Variants in AGMO observed in about 807,000 individuals in gnomAD.
AGMO encodes the protein alkylglycerol monooxygenase.
In AGMO, 75 loss-of-function variants were observed where a neutral mutation model predicts 60.2. The observed-to-expected ratio is 1.25, with a 90% CI of 1.03 to 1.51. AGMO has a LOEUF of 1.51. AGMO is among the 40% of genes most tolerant of loss of function. The pLI is 0.00. For synonymous variants in AGMO, 261 were observed against 177.1 expected, an observed-to-expected ratio of 1.47 and a Z score of -3.76; for missense variants, 763 against 525.5, an observed-to-expected ratio of 1.45 and a Z score of -4.42.
At chr7:15,132,273 A>C in the AGMO span, among the ~76,000 whole-genome samples, 1 of 152,194 alleles carries the variant, frequency 6.6e-6, no homozygotes, top group South Asian at 2.1e-4. Context: ...TTTAAATGAA[A>C]TACTTCAATA....
chr7:15,160,494 C>T, the AGMO span, among the ~76,000 whole-genome samples: 2,362 of 152,114 alleles, frequency 0.016, 58 homozygotes, highest in African/African-American at 0.054. Context: ...TGTCTATATA[C>T]GATTTGTCCA....
intron 12 of AGMO, among the ~76,000 whole-genome samples, chr7:15,238,355 T>C (rs1208737384): frequency 6.6e-6 from 1 of 151,836 alleles, no homozygotes; most frequent in African/African-American, 2.4e-5. Flanking sequence ...AAGTTCCAGG[T>C]GAAAATTATA....
chr7:15,313,500 T>C (rs1249412871), intron 12 of AGMO, among the ~76,000 whole-genome samples: 2 of 152,186 alleles, frequency 1.3e-5, no homozygotes, highest in Admixed American at 6.6e-5. Context: ...GGATGGGCAA[T>C]TTTTACCAGC....
intron 3 of AGMO, among the ~76,000 whole-genome samples, chr7:15,533,107 T>C (rs144613853): frequency 6.6e-6 from 1 of 152,308 alleles, no homozygotes; most frequent in African/African-American, 2.4e-5. Flanking sequence ...TTAAGTACTT[T>C]CTGTTTCAGT....
chr7:15,463,256 T>C (rs554615422), intron 3 of AGMO, among the ~76,000 whole-genome samples: 1 of 152,248 alleles, frequency 6.6e-6, no homozygotes, highest in Non-Finnish European at 1.5e-5. Context: ...GTAGAGGTAA[T>C]GGACATGGAC....
At chr7:15,389,319 T>C (rs1324829696) in intron 8 of AGMO, among the ~76,000 whole-genome samples, 1 of 152,194 alleles carries the variant, frequency 6.6e-6, no homozygotes, top group Non-Finnish European at 1.5e-5. Flanking sequence ...TCTTTTTTAA[T>C]GACTGCAATA....
intron 12 of AGMO, among the ~76,000 whole-genome samples, chr7:15,354,441 C>CAT (rs1782415657): frequency 5.3e-4 from 8 of 14,954 alleles, no homozygotes; most frequent in Admixed American, 2.3e-3. Flanking sequence ...TGTGTGTATA[C>CAT]ACACGTGTGT....
At chr7:15,159,384 G>A in the AGMO span, among the ~76,000 whole-genome samples, 16 of 152,092 alleles carry the variant, frequency 1.1e-4, no homozygotes, top group Admixed American at 4.6e-4. Flanking sequence ...GAGATTGATT[G>A]CTTTGTTTTT....
rs536779809 is a variant in AGMO at position 15,457,938 on chromosome 7, T to C, written c.410-26830A>G. ...AAATTGACATTCCAATTATAAATTA[T>C]ATGATGAAATAAAATGGGGGTAAAT... On this transcript the variant is annotated intron_variant, in intron 3 of 12. Coordinates refer to ENST00000342526, the MANE Select transcript of AGMO (RefSeq NM_001004320.2). 3.3e-5 allele frequency among the ~76,000 whole-genome samples: 5 copies of C among 152,256 alleles called. No homozygotes were observed. The South Asian group carries it at 8.3e-4, about 25-fold the overall frequency.
chr7:15,212,074 A>G (rs1400220041), intron 12 of AGMO, among the ~76,000 whole-genome samples: 1 of 152,006 alleles, frequency 6.6e-6, no homozygotes, highest in African/African-American at 2.4e-5. Flanking sequence ...CTGTATTCTA[A>G]ACAATGCTCT....
At chr7:15,407,008 CATAT>C (rs1000426340) in intron 5 of AGMO, among the ~76,000 whole-genome samples, 1 of 138,636 alleles carries the variant, frequency 7.2e-6, no homozygotes, top group Non-Finnish European at 1.6e-5. Context: ...ATGGAATATA[CATAT>C]ATATGTGTAT....
At chr7:15,232,613 C>A (rs1191813146) in intron 12 of AGMO, among the ~76,000 whole-genome samples, 1 of 152,066 alleles carries the variant, frequency 6.6e-6, no homozygotes, top group East Asian at 1.9e-4. Flanking sequence ...ATTGGAATGT[C>A]TATGCTAAAA....
intron 12 of AGMO, among the ~76,000 whole-genome samples, chr7:15,275,192 C>A (rs1216314523): frequency 6.6e-6 from 1 of 152,006 alleles, no homozygotes; most frequent in Non-Finnish European, 1.5e-5. Context: ...AACACAATAA[C>A]CTTTTCCTCT....
chr7:15,381,950 T>G (rs1260049839), intron 10 of AGMO, among the ~76,000 whole-genome samples: 1 of 152,036 alleles, frequency 6.6e-6, no homozygotes, highest in African/African-American at 2.4e-5. Flanking sequence ...ATGTTCTCAC[T>G]TGTAAGTGGG....
intron 3 of AGMO, among the ~76,000 whole-genome samples, chr7:15,438,933 C>T (rs967992029): frequency 2.5e-4 from 38 of 152,198 alleles, no homozygotes; most frequent in Non-Finnish European, 4.4e-4. Flanking sequence ...ATTTATCAGT[C>T]TATCTTCTTC....
chr7:15,171,895 T>C, the AGMO span, among the ~76,000 whole-genome samples: 1 of 152,180 alleles, frequency 6.6e-6, no homozygotes, highest in Admixed American at 6.5e-5. Flanking sequence ...AAATGGACTA[T>C]CTCAAAGGTG....
chr7:15,375,275 G>A (rs1010788925), intron 10 of AGMO, among the ~76,000 whole-genome samples: 1 of 151,114 alleles, frequency 6.6e-6, no homozygotes, highest in Non-Finnish European at 1.5e-5. Context: ...TTCTTACTAA[G>A]AAACAAGTGG....
intron 12 of AGMO, among the ~76,000 whole-genome samples, chr7:15,248,277 T>A (rs7788278): frequency 7.0e-6 from 1 of 143,550 alleles, no homozygotes; most frequent in Admixed American, 7.1e-5. Flanking sequence ...TTTCTGAGCA[T>A]TAAATTAATG....
intron 12 of AGMO, among the ~76,000 whole-genome samples, chr7:15,320,530 T>C (rs1781076783): frequency 2.0e-5 from 3 of 152,106 alleles, no homozygotes; most frequent in African/African-American, 7.2e-5. Flanking sequence ...CCTTCATTCA[T>C]GCATTAAAAG....
Sources: gnomAD v4.1 joint callset for allele counts (sites outside exome capture counted in the v4.1 genomes callset) on GRCh38, gnomAD v4.1.1 for gene constraint, MANE v1.5 for transcripts, NCBI Gene and HGNC (gene_info 2026-07-23, HGNC 2026-07-21) for gene names.